The following ARHGEF2 variants were observed in gnomAD, a reference collection of about 807,000 sequenced individuals.
ARHGEF2 encodes the protein rho guanine nucleotide exchange factor 2.
A neutral mutation model predicts 121.0 loss-of-function variants in ARHGEF2; 22 were observed. The observed-to-expected ratio is 0.18, with a 90% CI of 0.13 to 0.26. The LOEUF (loss-of-function observed/expected upper bound fraction) is 0.26, where lower values mean the gene tolerates loss of function less well. Ranked by LOEUF, ARHGEF2 falls within the 10% of genes least tolerant of loss-of-function variation. The pLI is 1.00. For synonymous variants in ARHGEF2, 487 were observed against 530.0 expected (o/e 0.92, Z 1.11); for missense variants, 907 against 1,336.0 (o/e 0.68, Z 5.01).
chr1:155,957,039 A>T (rs1343919483), intron 13 of ARHGEF2, among the ~76,000 whole-genome samples: 6 of 141,860 alleles, frequency 4.2e-5, no homozygotes, highest in East Asian at 2.0e-4. Flanking sequence ...AAAAAAAATT[A>T]AAAAAAAAAA....
At chr1:155,970,243 C>G in intron 1 of ARHGEF2, 7 of 983,802 alleles carry the variant, frequency 7.1e-6, no homozygotes, top group Non-Finnish European at 7.2e-6. Flanking sequence ...ACACCTTCCT[C>G]GGAGCCTCTG....
intron 1 of ARHGEF2, among the ~76,000 whole-genome samples, chr1:155,972,709 T>C (rs1680685172): frequency 6.9e-6 from 1 of 145,226 alleles, no homozygotes; most frequent in Non-Finnish European, 1.5e-5. Flanking sequence ...TTTTTTTTTC[T>C]TTTTTTTTTT....
At chr1:155,953,002 C>T (rs1239846496) in intron 14 of ARHGEF2, among the ~76,000 whole-genome samples, 174 bp from the exon 15 acceptor site, 3 of 152,174 alleles carry the variant, frequency 2.0e-5, no homozygotes, top group Admixed American at 1.3e-4. Flanking sequence ...TAGTGGCTCA[C>T]ACCTGTAATC....
At chr1:155,970,777 CAG>C (rs1182184271) in intron 1 of ARHGEF2, 1 of 985,728 alleles carries the variant, frequency 1.0e-6, no homozygotes, top group Non-Finnish European at 1.2e-6. Context: ...GTCAACAGTG[CAG>C]GGACAGAGGG....
chr1:155,976,190 T>C (rs1572208464), intron 1 of ARHGEF2, among the ~76,000 whole-genome samples: 1 of 151,878 alleles, frequency 6.6e-6, no homozygotes, highest in East Asian at 1.9e-4. Context: ...CTTCAAATAA[T>C]GTCTTTTCCA....
In ARHGEF2 at chr1:155,951,486, T is replaced by C. The variant is rs1675446466; in HGVS notation, c.2256A>G (p.Leu752=). ...LVNLYGLLHG[L]QAAVAQQDTL... ...TTCAAGCCCTTGTCCTACTGACCTGTAGGCCATGTAGAAGTCCATAGAGAT... is the reference window on the plus strand; with the variant it reads ...TTCAAGCCCTTGTCCTACTGACCTGCAGGCCATGTAGAAGTCCATAGAGAT... The change falls in exon 19 of 22, where the codon CTA becomes CTG. Residue 752 remains leucine, a synonymous_variant. Coordinates refer to ENST00000361247, the MANE Select transcript of ARHGEF2 (RefSeq NM_001162383.2). The surrounding 1 kb of genome is among the most constrained non-coding windows in gnomAD (Gnocchi z 5.1). 6.2e-7 allele frequency: 1 copy of C among 1,614,038 alleles called. No homozygotes were observed. Among genetic ancestry groups the C allele is most frequent in the Non-Finnish European group, 8.5e-7 (1 of 1,180,028 alleles).
rs1263488897 is a variant in ARHGEF2 at position 155,962,005 on chromosome 1, G to A, written c.1220-96C>T. ...GATTCCACCTTTAGAGGCTGCCCAG[G>A]GTTTCACACCCGACCCCACCCTTCC... is the stretch of plus-strand genomic sequence containing the variant. On this transcript the variant is annotated intron_variant, in intron 10 of 21. Transcript: ENST00000361247. The surrounding 1 kb of genome is among the most constrained non-coding windows in gnomAD (Gnocchi z 5.8). The A allele has an allele frequency of 6.2e-7, 1 of 1,601,986 alleles. No homozygotes were observed. The highest frequency in any genetic ancestry group is 1.1e-5 in the South Asian group (1 of 90,368).
In ARHGEF2 at chr1:155,951,355, C is replaced by T; in HGVS notation, c.2260-83G>A. On this transcript the variant is annotated intron_variant, in intron 19 of 21. Coordinates refer to ENST00000361247, the MANE Select transcript of ARHGEF2 (RefSeq NM_001162383.2). The surrounding 1 kb of genome is among the most constrained non-coding windows in gnomAD (Gnocchi z 5.1). ...CGCCTTCACCCTCCAAGGCCCAGATCATCGCTCCTGGAGAGCTTGGATTGG... is the reference window on the plus strand; with the variant it reads ...CGCCTTCACCCTCCAAGGCCCAGATTATCGCTCCTGGAGAGCTTGGATTGG... 2 of 1,567,100 alleles carry T rather than the reference C, an allele frequency of 1.3e-6. No individual in the cohort carries two copies. Among genetic ancestry groups the T allele is most frequent in the Non-Finnish European group, 1.7e-6 (2 of 1,147,756 alleles).
rs1677954699 is a variant in ARHGEF2 at position 155,961,642 on chromosome 1, T to C, written c.1468+19A>G. Reference sequence around the variant, plus strand: ...CATCTGACTTTGAATTCCTGCCTAGTCTGCCGAGCAGGTCTGACCTTTGAA... The same window carrying C: ...CATCTGACTTTGAATTCCTGCCTAGCCTGCCGAGCAGGTCTGACCTTTGAA... On this transcript the variant is annotated intron_variant, in intron 11 of 21. Coordinates refer to ENST00000361247, the MANE Select transcript of ARHGEF2 (RefSeq NM_001162383.2). The surrounding 1 kb of genome is among the most constrained non-coding windows in gnomAD (Gnocchi z 4.7). 2 of 1,597,698 alleles carry C rather than the reference T, an allele frequency of 1.3e-6. No individual in the cohort carries two copies.
At chr1:155,957,367 A>C (rs1222763379) in intron 13 of ARHGEF2, among the ~76,000 whole-genome samples, 2 of 152,252 alleles carry the variant, frequency 1.3e-5, no homozygotes, top group Non-Finnish European at 2.9e-5. Flanking sequence ...AAAATACAAT[A>C]CAATCCAAAT....
chr1:155,949,552 C>T (rs187545084), intron 21 of ARHGEF2, among the ~76,000 whole-genome samples: 2 of 151,584 alleles, frequency 1.3e-5, no homozygotes, highest in East Asian at 3.9e-4. Flanking sequence ...TGTACTCCAG[C>T]CTGGCGACAG....
intron 4 of ARHGEF2, 138 bp downstream of exon 4, chr1:155,966,278 G>A (rs952200994): frequency 1.2e-6 from 1 of 805,466 alleles, no homozygotes; most frequent in Admixed American, 2.2e-5. Flanking sequence ...CCTCCCTTAG[G>A]CCCCCACTAT....
intron 2 of ARHGEF2, 79 bp from the exon 3 acceptor site, chr1:155,966,966 T>A: frequency 7.2e-7 from 1 of 1,380,686 alleles, no homozygotes; most frequent in Non-Finnish European, 1.0e-6. Context: ...GACACCCATC[T>A]CCTCCTGGCC....
In ARHGEF2 at chr1:155,965,846, G is replaced by A. The variant is rs1679265445; in HGVS notation, c.341-86C>T. The A allele has an allele frequency of 1.4e-6, 2 of 1,460,800 alleles. No homozygotes were observed. Among genetic ancestry groups the A allele is most frequent in the Non-Finnish European group, 1.8e-6 (2 of 1,106,584 alleles). 90.5% of individuals were successfully genotyped at this position (1,460,800 alleles called of 1,614,324 possible). A position where few individuals can be genotyped will look rare whatever the true frequency, so the allele number is the denominator to read the frequency against. ...CCTCCTAGGCTCCTCAATGAGGAAT[G>A]AGGCATCCTCTCACTCCACCTCAGC... On this transcript the variant is annotated intron_variant, in intron 4 of 21. Transcript: ENST00000361247. This position sits in a 1 kb window ranked among gnomAD's most constrained non-coding sequence, Gnocchi z 6.0.
intron 13 of ARHGEF2, among the ~76,000 whole-genome samples, chr1:155,956,183 T>A (rs1316439014): frequency 1.3e-5 from 2 of 151,922 alleles, no homozygotes; most frequent in African/African-American, 2.4e-5. Context: ...CACTGCAACC[T>A]CCACCCCCGG....
chr1:155,958,834 C>A (rs1306325941), intron 11 of ARHGEF2, among the ~76,000 whole-genome samples: 5 of 148,012 alleles, frequency 3.4e-5, no homozygotes. Flanking sequence ...CAGTTTCGGC[C>A]TCCCAAAGTG....
intron 1 of ARHGEF2, among the ~76,000 whole-genome samples, chr1:155,973,894 C>T (rs994406588): frequency 2.0e-5 from 3 of 152,200 alleles, no homozygotes; most frequent in South Asian, 2.1e-4. Context: ...GAAACAGTGA[C>T]GTACATGGAG....
At chr1:155,968,060 C>T (rs963559089) in intron 2 of ARHGEF2, among the ~76,000 whole-genome samples, 4 of 152,156 alleles carry the variant, frequency 2.6e-5, no homozygotes, top group African/African-American at 9.6e-5. Flanking sequence ...CCCGCCTCCC[C>T]TGTTCCCCTG....
intron 2 of ARHGEF2, 74 bp downstream of exon 2, chr1:155,969,082 C>G: frequency 6.4e-7 from 1 of 1,570,970 alleles, no homozygotes; most frequent in South Asian, 1.1e-5. Flanking sequence ...TGGATCCAGG[C>G]AGAAAAAACA....
Sources: gnomAD v4.1 joint callset for allele counts (sites outside exome capture counted in the v4.1 genomes callset) on GRCh38, gnomAD v4.1.1 for gene constraint, Gnocchi (gnomAD v3.1) non-coding constraint, MANE v1.5 for transcripts, NCBI Gene and HGNC (gene_info 2026-07-23, HGNC 2026-07-21) for gene names.